FGGY: variants seen among roughly 807,000 people sequenced by gnomAD.
The protein encoded by FGGY is FGGY carbohydrate kinase domain containing.
FGGY carries 72 observed loss-of-function variants against 71.3 expected under a neutral mutation model. The observed-to-expected ratio is 1.01, with a 90% CI of 0.84 to 1.23. The LOEUF (loss-of-function observed/expected upper bound fraction) is 1.23. Ranked by LOEUF, FGGY falls within the 50% of genes most tolerant of loss-of-function variation. FGGY has a pLI of 0.00. For synonymous variants in FGGY, 251 were observed against 250.3 expected (o/e 1.00, Z -0.02); for missense variants, 668 against 682.3 (o/e 0.98, Z 0.23).
intron 2 of FGGY, among the ~76,000 whole-genome samples, chr1:59,335,480 A>G (rs2049306489): frequency 6.6e-6 from 1 of 152,142 alleles, no homozygotes; most frequent in Admixed American, 6.6e-5. Flanking sequence ...GTTGGTTTTC[A>G]GCTTGGGAAT....
intron 7 of FGGY, among the ~76,000 whole-genome samples, chr1:59,534,678 AAC>A (rs2095262557): frequency 6.6e-6 from 1 of 152,072 alleles, no homozygotes; most frequent in African/African-American, 2.4e-5. Flanking sequence ...GCCAATATTC[AAC>A]ATTCTTAAAG....
chr1:59,658,752 G>C (rs1219806425), intron 11 of FGGY, among the ~76,000 whole-genome samples: 1 of 152,238 alleles, frequency 6.6e-6, no homozygotes, highest in East Asian at 1.9e-4. Context: ...ATTAGAAACA[G>C]TGAGATTTGC....
intron 4 of FGGY, among the ~76,000 whole-genome samples, chr1:59,375,529 A>G (rs574395894): frequency 6.6e-5 from 10 of 152,080 alleles, no homozygotes; most frequent in Admixed American, 1.3e-4. Context: ...TCATCCCACA[A>G]ATATTTGTTG....
intron 7 of FGGY, among the ~76,000 whole-genome samples, chr1:59,544,759 A>T (rs1301563433): frequency 1.3e-5 from 2 of 152,244 alleles, no homozygotes; most frequent in Non-Finnish European, 2.9e-5. Flanking sequence ...ACTGGTGGTG[A>T]GAAAGAATCA....
rs371670773 is a variant in FGGY at position 59,660,201 on chromosome 1, T to A, written c.1222-18T>A. On this transcript the variant is annotated intron_variant, in intron 11 of 15. Transcript: ENST00000303721. ...TTCTTTTGACCATCTTCTTCTTTTC[T>A]TCCCTTCATGCCTGCAGGTCACCGG... 1 of 1,611,036 alleles carries A rather than the reference T, an allele frequency of 6.2e-7. No homozygotes were observed. The highest frequency in any genetic ancestry group is 8.5e-7 in the Non-Finnish European group (1 of 1,177,868).
intron 7 of FGGY, among the ~76,000 whole-genome samples, chr1:59,545,683 G>C (rs749216356): frequency 6.6e-6 from 1 of 152,154 alleles, no homozygotes; most frequent in African/African-American, 2.4e-5. Context: ...GTGAGACCCA[G>C]TTATCAGAAG....
Position 59,548,071 on chromosome 1 carries a change from A to G in FGGY, c.800-6053A>G, listed in dbSNP as rs999715336. On this transcript the variant is annotated intron_variant, in intron 7 of 15. Transcript: ENST00000303721. ...GACAGAATCTGTAGAGAGTCAGAAG[A>G]TGGGCTACAAAGGAAGGAGGCTTGG... 5.3e-5 allele frequency among the ~76,000 whole-genome samples: 8 copies of G among 152,194 alleles called. 2 individuals carry two copies. In the East Asian group the frequency reaches 1.5e-3, roughly 29 times the overall value.
At chr1:59,702,934 G>T (rs934364275) in intron 14 of FGGY, among the ~76,000 whole-genome samples, 4 of 152,038 alleles carry the variant, frequency 2.6e-5, no homozygotes, top group African/African-American at 9.7e-5. Flanking sequence ...ACTTGGGAGG[G>T]TTCTGGCTGT....
chr1:59,444,131 C>A (rs985398437), intron 5 of FGGY, among the ~76,000 whole-genome samples: 1 of 152,170 alleles, frequency 6.6e-6, no homozygotes, highest in Non-Finnish European at 1.5e-5. Context: ...AAGGCAGCCC[C>A]ATTTTAATGG....
chr1:59,348,025 C>T (rs927547724), intron 4 of FGGY, among the ~76,000 whole-genome samples: 3 of 152,130 alleles, frequency 2.0e-5, no homozygotes, highest in Admixed American at 2.0e-4. Flanking sequence ...AGGCAACCTA[C>T]AGAATGGGAG....
At chr1:59,472,560 G>T (rs991226824) in intron 6 of FGGY, among the ~76,000 whole-genome samples, 3 of 152,268 alleles carry the variant, frequency 2.0e-5, no homozygotes, top group African/African-American at 7.2e-5. Context: ...AGTCTGGTGG[G>T]GACATGGAGA....
chr1:59,470,390 CT>C (rs2092880455), intron 6 of FGGY, among the ~76,000 whole-genome samples: 1 of 152,094 alleles, frequency 6.6e-6, no homozygotes, highest in Non-Finnish European at 1.5e-5. Flanking sequence ...ATCAATATGA[CT>C]TCTGAAGGGG....
intron 1 of FGGY, among the ~76,000 whole-genome samples, chr1:59,313,600 ACAC>A (rs1265295361): frequency 2.0e-5 from 3 of 152,134 alleles, no homozygotes; most frequent in African/African-American, 7.2e-5. Flanking sequence ...ACACACACAC[ACAC>A]ATGATGGAAT....
chr1:59,721,693 A>G (rs761201944), intron 14 of FGGY, among the ~76,000 whole-genome samples: 9 of 151,752 alleles, frequency 5.9e-5, no homozygotes, highest in Non-Finnish European at 1.2e-4. Context: ...TTAACATCTT[A>G]CATTAGTATG....
At chr1:59,651,893 A>G (rs12752718) in intron 11 of FGGY, among the ~76,000 whole-genome samples, 127,157 of 151,846 alleles carry the variant, frequency 0.84, 53,412 homozygotes, top group Middle Eastern at 0.92. Context: ...GCTGGTACCG[A>G]TTGTTCCTTT....
intron 8 of FGGY, among the ~76,000 whole-genome samples, chr1:59,606,521 A>G (rs1316620840): frequency 6.6e-6 from 1 of 152,140 alleles, no homozygotes; most frequent in African/African-American, 2.4e-5. Flanking sequence ...GCTGTTATGT[A>G]TTAACATTTT....
rs2045701238 is a variant in FGGY, at chr1:59,317,707, T to G, written c.-14-3829T>G. 2.6e-5 allele frequency among the ~76,000 whole-genome samples: 4 copies of G among 152,124 alleles called. No homozygotes were observed. The South Asian group carries it at 8.3e-4, about 31-fold the overall frequency. On this transcript the variant is annotated intron_variant, in intron 1 of 15. Coordinates refer to ENST00000303721, the MANE Select transcript of FGGY (RefSeq NM_018291.5). The stretch of plus-strand genomic sequence containing the variant: ...GGGCTTGAACATCCCTGCTTTCAGG[T>G]TCCAGGTATGGAAATAATCACAGAG...
intron 14 of FGGY, among the ~76,000 whole-genome samples, chr1:59,739,101 A>G (rs2098127549): frequency 6.6e-6 from 1 of 152,124 alleles, no homozygotes. Context: ...CACAAAAGAC[A>G]CCCTTGCACA....
At chr1:59,451,551 A>G (rs58394249) in intron 5 of FGGY, among the ~76,000 whole-genome samples, 5,141 of 152,162 alleles carry the variant, frequency 0.034, 283 homozygotes, top group African/African-American at 0.12. Context: ...ATATATACAT[A>G]TATGCAGGAA....
Sources: gnomAD v4.1 joint callset for allele counts (sites outside exome capture counted in the v4.1 genomes callset) on GRCh38, gnomAD v4.1.1 for gene constraint, MANE v1.5 for transcripts, NCBI Gene and HGNC (gene_info 2026-07-23, HGNC 2026-07-21) for gene names.